Variants in LNPK observed in about 807,000 individuals in gnomAD.
LNPK encodes lunapark, ER junction formation factor, also known as endoplasmic reticulum junction formation protein lunapark.
A neutral mutation model predicts 55.2 loss-of-function variants in LNPK; 29 were observed. The observed-to-expected ratio is 0.53, with a 90% confidence interval of 0.39 to 0.72. The LOEUF is 0.72. Among genes scored for constraint, LNPK ranks in the 30% least tolerant of loss-of-function variants. LNPK has a pLI of 0.00. For synonymous variants in LNPK, 162 were observed against 168.2 expected, an observed-to-expected ratio of 0.96 and a Z score of 0.29; for missense variants, 467 against 494.8, an observed-to-expected ratio of 0.94 and a Z score of 0.53.
At chr2:175,992,498 AAG>A in intron 3 of LNPK, 80 bp from the exon 4 acceptor site, 1 of 825,494 alleles carries the variant, frequency 1.2e-6, no homozygotes, top group Non-Finnish European at 1.8e-6. Context: ...TTTAGCAGGA[AAG>A]ATATTTAAGA....
At chr2:175,983,173 G>T (rs1452713784) in intron 4 of LNPK, among the ~76,000 whole-genome samples, 1 of 152,154 alleles carries the variant, frequency 6.6e-6, no homozygotes, top group East Asian at 1.9e-4. Flanking sequence ...ACAGCTACAG[G>T]CAGACACTCC....
intron 4 of LNPK, among the ~76,000 whole-genome samples, chr2:175,987,684 A>C (rs1687493075): frequency 6.6e-6 from 1 of 152,188 alleles, no homozygotes; most frequent in Non-Finnish European, 1.5e-5. Flanking sequence ...TAAAAAAAAA[A>C]AAATCACTAC....
intron 6 of LNPK, among the ~76,000 whole-genome samples, chr2:175,966,378 T>C (rs533229488): frequency 6.6e-6 from 1 of 152,310 alleles, no homozygotes; most frequent in East Asian, 1.9e-4. Flanking sequence ...TTTTATTTCA[T>C]TTTAAATAAT....
intron 1 of LNPK, among the ~76,000 whole-genome samples, chr2:176,000,353 GT>G (rs1559081450): frequency 6.6e-6 from 1 of 152,262 alleles, no homozygotes; most frequent in East Asian, 1.9e-4. Flanking sequence ...TCATAGAATT[GT>G]TGTATAAATT....
chr2:175,936,215 G>C (rs1207120442), intron 12 of LNPK, among the ~76,000 whole-genome samples: 1 of 152,098 alleles, frequency 6.6e-6, no homozygotes, highest in Non-Finnish European at 1.5e-5. Flanking sequence ...CTCTGTCATA[G>C]CTATCTGTAT....
intron 12 of LNPK, 96 bp from the exon 13 acceptor site, chr2:175,930,295 C>T (rs372651489): frequency 2.5e-6 from 1 of 395,498 alleles, no homozygotes; most frequent in South Asian, 2.5e-5. Flanking sequence ...CACACACACA[C>T]ACACACACAC....
chr2:175,975,303 A>T (rs1370277203), intron 5 of LNPK, among the ~76,000 whole-genome samples: 1 of 152,220 alleles, frequency 6.6e-6, no homozygotes, highest in East Asian at 1.9e-4. Context: ...TAACCCATTT[A>T]AGCAAGAAAA....
chr2:175,987,193 A>C (rs567107083), intron 4 of LNPK, among the ~76,000 whole-genome samples: 6 of 152,330 alleles, frequency 3.9e-5, no homozygotes, highest in African/African-American at 1.2e-4. Context: ...AAAGGATTGT[A>C]AATCATGCTG....
At chr2:175,981,064 A>G (rs1342290341) in intron 4 of LNPK, among the ~76,000 whole-genome samples, 1 of 152,212 alleles carries the variant, frequency 6.6e-6, no homozygotes, top group Non-Finnish European at 1.5e-5. Context: ...AGCATTTGCT[A>G]TTTTGGGGAG....
At chr2:175,934,810 T>C (rs1166383850) in intron 12 of LNPK, among the ~76,000 whole-genome samples, 2 of 151,772 alleles carry the variant, frequency 1.3e-5, no homozygotes, top group African/African-American at 2.4e-5. Flanking sequence ...TCTATATCCA[T>C]AATTTCTTGT....
chr2:175,946,686 A>G (rs1490882114), intron 9 of LNPK, among the ~76,000 whole-genome samples: 1 of 152,132 alleles, frequency 6.6e-6, no homozygotes, highest in East Asian at 1.9e-4. Flanking sequence ...ATTATTAATT[A>G]TATATTAGTA....
intron 8 of LNPK, among the ~76,000 whole-genome samples, chr2:175,957,003 T>C (rs1166194567): frequency 1.3e-5 from 2 of 152,128 alleles, no homozygotes; most frequent in Admixed American, 6.5e-5. Context: ...TTCCATACCT[T>C]TTCTTCAAGC....
intron 8 of LNPK, among the ~76,000 whole-genome samples, chr2:175,954,530 T>C (rs752825439): frequency 6.6e-6 from 1 of 152,216 alleles, no homozygotes; most frequent in Non-Finnish European, 1.5e-5. Context: ...AATAATAATA[T>C]ATATCACTTG....
intron 9 of LNPK, chr2:175,940,914 CA>C: frequency 2.2e-6 from 1 of 448,878 alleles, no homozygotes; most frequent in Admixed American, 2.4e-5. Flanking sequence ...ACACTGCACA[CA>C]AAAAAACTGG....
chr2:175,963,869 A>G (rs1025528127), intron 8 of LNPK, among the ~76,000 whole-genome samples: 2 of 152,040 alleles, frequency 1.3e-5, no homozygotes, highest in African/African-American at 4.8e-5. Context: ...TAATGACTTC[A>G]TTAATAATAT....
At position 175,964,494 on chromosome 2, in the gene LNPK, TCA is replaced by T. The variant is rs754845641; in HGVS notation, c.441+10_441+11del. The T allele has an allele frequency of 6.9e-6, 11 of 1,589,288 alleles. No individual in the cohort carries two copies. The African/African-American group carries it at 8.1e-5, about 12-fold the overall frequency. The stretch of plus-strand genomic sequence containing the variant: ...AATTTATAATAAAATAGTAGTGATA[TCA>T]CAGTCTTACCTTTGCTTTCTTTGAG... On this transcript the variant is annotated intron_variant, in intron 7 of 12. Transcript: ENST00000272748.
chr2:175,938,979 A>G (rs1030417637), intron 10 of LNPK, among the ~76,000 whole-genome samples: 1 of 152,154 alleles, frequency 6.6e-6, no homozygotes, highest in Non-Finnish European at 1.5e-5. Flanking sequence ...TATTTTGAAT[A>G]ACATACGATT....
chr2:175,935,427 C>T (rs139140397), intron 12 of LNPK, among the ~76,000 whole-genome samples: 154 of 152,284 alleles, frequency 1.0e-3, no homozygotes, highest in African/African-American at 3.3e-3. Flanking sequence ...AATGCAGCTT[C>T]ATCTGTTCAT....
rs374435652 is a variant in LNPK, at chr2:175,942,472, C to T, written c.707-2815G>A. On this transcript the variant is annotated intron_variant, in intron 9 of 12. Coordinates refer to ENST00000272748, the MANE Select transcript of LNPK (RefSeq NM_030650.3). ...GTATCAATACACATAAGAAGATTCA[C>T]GTAACACAATGTATGTTTTCTAACA... 1.2e-4 allele frequency among the ~76,000 whole-genome samples: 18 copies of T among 152,088 alleles called. No individual in the cohort carries two copies. In the East Asian group the frequency reaches 2.9e-3, roughly 24 times the overall value.
Sources: allele counts gnomAD v4.1 joint callset (sites outside exome capture counted in the v4.1 genomes callset), GRCh38; gene constraint gnomAD v4.1.1; transcripts MANE v1.5; gene names NCBI Gene and HGNC (gene_info 2026-07-23, HGNC 2026-07-21).